Variants in TBC1D16 observed in about 807,000 individuals in gnomAD.
TBC1D16 encodes the protein TBC1 domain family member 16, also known as CTD-2529O21.1.
In TBC1D16, 58 loss-of-function variants were observed where a neutral mutation model predicts 74.7. The observed-to-expected ratio is 0.78, with a 90% confidence interval of 0.63 to 0.97. The LOEUF (loss-of-function observed/expected upper bound fraction) is 0.97, where lower values mean the gene tolerates loss of function less well. Ranked by LOEUF, TBC1D16 falls within the 50% of genes least tolerant of loss-of-function variation. The pLI, the probability that TBC1D16 is intolerant of heterozygous loss-of-function variation, is 0.00. For missense variants in TBC1D16, 1,014 were observed against 1,079.5 expected, an observed-to-expected ratio of 0.94 and a Z score of 0.85; for synonymous variants, 493 against 474.7, an observed-to-expected ratio of 1.04 and a Z score of -0.50.
chr17:79,953,267 G>A (rs2033169803), intron 3 of TBC1D16, among the ~76,000 whole-genome samples: 1 of 152,212 alleles, frequency 6.6e-6, no homozygotes, highest in South Asian at 2.1e-4. Flanking sequence ...TAGATAGCAT[G>A]GGGCTTCCGC....
In TBC1D16 at chr17:79,950,105, G is replaced by A. The variant is rs564863095; in HGVS notation, c.1258-240C>T. Among the ~76,000 whole-genome samples, 1 of 152,276 alleles carries A rather than the reference G, an allele frequency of 6.6e-6. No homozygotes were observed. Among genetic ancestry groups the A allele is most frequent in the South Asian group, 2.1e-4 (1 of 4,822 alleles). On this transcript the variant is annotated intron_variant, in intron 6 of 11. Coordinates refer to ENST00000310924, the MANE Select transcript of TBC1D16 (RefSeq NM_019020.4). The surrounding 1 kb of genome is among the most constrained non-coding windows in gnomAD (Gnocchi z 4.6). ...GCTCAGATTAACGTGTCGTTCTCAC[G>A]TCATGGCCTAATCCCTGGTTTTGGA... is the stretch of plus-strand genomic sequence containing the variant.
intron 3 of TBC1D16, among the ~76,000 whole-genome samples, chr17:79,967,927 TC>T (rs1207677343): frequency 2.0e-5 from 3 of 152,174 alleles, no homozygotes; most frequent in African/African-American, 7.2e-5. Context: ...CAGAAATAAA[TC>T]CACAAGTTTA....
intron 3 of TBC1D16, among the ~76,000 whole-genome samples, chr17:79,984,486 C>T (rs898435794): frequency 6.6e-6 from 1 of 151,332 alleles, no homozygotes; most frequent in African/African-American, 2.4e-5. Flanking sequence ...GGCTTCACAC[C>T]CTTCTTTTGT....
At chr17:80,002,993 CT>C (rs1317008939) in intron 3 of TBC1D16, among the ~76,000 whole-genome samples, 1 of 152,236 alleles carries the variant, frequency 6.6e-6, no homozygotes, top group Non-Finnish European at 1.5e-5. Flanking sequence ...AAGAAAGTCT[CT>C]TCCACCTGCA....
chr17:79,989,086 CA>C (rs2034963103), intron 3 of TBC1D16, among the ~76,000 whole-genome samples: 1 of 152,242 alleles, frequency 6.6e-6, no homozygotes, highest in African/African-American at 2.4e-5. Context: ...AACTCCCAAA[CA>C]CCTGTCAATC....
Position 79,948,927 on chromosome 17 carries a change from C to T in TBC1D16, c.1486G>A (p.Asp496Asn). 1 of 1,614,194 alleles carries T rather than the reference C, an allele frequency of 6.2e-7. No homozygotes were observed. The highest frequency in any genetic ancestry group is 2.2e-5 in the East Asian group (1 of 44,874). Residue 496 changes from aspartate (D) to asparagine (N), a missense_variant, in exon 8 of 12, where the codon GAT becomes AAT. By Grantham distance (23) the Asp-to-Asn change is conservative. Coordinates refer to ENST00000310924, the MANE Select transcript of TBC1D16 (RefSeq NM_019020.4). ...CCCCGGAAGAACTGGTTGTTCCGAT[C>T]TGTCCGGACCACGTCTTTGTCCACA... ...FTVDKDVVRT[D>N]RNNQFFRGED...
In TBC1D16 at chr17:79,950,388, A is replaced by T. The variant is rs1341351016; in HGVS notation, c.1257+23T>A. On this transcript the variant is annotated intron_variant, in intron 6 of 11. Transcript: ENST00000310924. The surrounding 1 kb of genome is among the most constrained non-coding windows in gnomAD (Gnocchi z 4.6). ...TTCCCGGCCGGCTCTCCGCGGGGCCAGCTGGGCGGACCCGGACCTCACCTT... is the reference window on the plus strand; with the variant it reads ...TTCCCGGCCGGCTCTCCGCGGGGCCTGCTGGGCGGACCCGGACCTCACCTT... 2 of 1,583,166 alleles carry T rather than the reference A, an allele frequency of 1.3e-6. No individual in the cohort carries two copies. Among genetic ancestry groups the T allele is most frequent in the Admixed American group, 3.5e-5 (2 of 57,052 alleles).
rs1309716024 is a variant in TBC1D16, at chr17:79,994,974, GTTTGT to G, written c.779+15181_779+15185del. 2.0e-5 allele frequency among the ~76,000 whole-genome samples: 3 copies of G among 152,176 alleles called. No homozygotes were observed. Among genetic ancestry groups the G allele is most frequent in the Non-Finnish European group, 4.4e-5 (3 of 68,012 alleles). On this transcript the variant is annotated intron_variant, in intron 3 of 11. Coordinates refer to ENST00000310924, the MANE Select transcript of TBC1D16 (RefSeq NM_019020.4). This position sits in a 1 kb window ranked among gnomAD's most constrained non-coding sequence, Gnocchi z 4.6. The stretch of plus-strand genomic sequence containing the variant: ...AATTTACAAAAATTTTCACCTTTTT[GTTTGT>G]TTTCTTTTTGTTTTTTGACTTGTAA...
At chr17:80,018,382 C>T (rs537266822) in intron 1 of TBC1D16, among the ~76,000 whole-genome samples, 25 of 149,118 alleles carry the variant, frequency 1.7e-4, no homozygotes, top group Non-Finnish European at 3.1e-4. Flanking sequence ...CCCAGGTTCA[C>T]GCCATTCTCC....
chr17:80,024,758 CA>C (rs2036487402), intron 1 of TBC1D16, among the ~76,000 whole-genome samples: 1 of 146,646 alleles, frequency 6.8e-6, no homozygotes, highest in Admixed American at 6.7e-5. Context: ...ACACACACTA[CA>C]TACACACCAT....
At position 80,009,339 on chromosome 17, in the gene TBC1D16, G is replaced by A. The variant is rs2035792960; in HGVS notation, c.779+821C>T. On this transcript the variant is annotated intron_variant, in intron 3 of 11. Coordinates refer to ENST00000310924, the MANE Select transcript of TBC1D16 (RefSeq NM_019020.4). The surrounding 1 kb of genome is among the most constrained non-coding windows in gnomAD (Gnocchi z 5.4). Reference sequence around the variant, plus strand: ...TGTGGAAGTCGGATGCAGGCCCCCTGTGCTGGCTCTGGGGCTCCGGGCTTA... The same window carrying A: ...TGTGGAAGTCGGATGCAGGCCCCCTATGCTGGCTCTGGGGCTCCGGGCTTA... Among the ~76,000 whole-genome samples, 1 of 152,238 alleles carries A rather than the reference G, an allele frequency of 6.6e-6. No homozygotes were observed. Among genetic ancestry groups the A allele is most frequent in the African/African-American group, 2.4e-5 (1 of 41,464 alleles).
intron 3 of TBC1D16, among the ~76,000 whole-genome samples, chr17:80,002,588 A>G (rs1241022292): frequency 1.3e-5 from 2 of 152,212 alleles, no homozygotes; most frequent in African/African-American, 4.8e-5. Flanking sequence ...TACTTTGGAC[A>G]GAGAGTTTTT....
intron 3 of TBC1D16, among the ~76,000 whole-genome samples, chr17:79,972,742 G>A (rs920956083): frequency 3.3e-5 from 5 of 152,144 alleles, no homozygotes; most frequent in Non-Finnish European, 7.3e-5. Context: ...GGTGATGGCT[G>A]CATAACAATG....
chr17:79,991,630 C>CAGGGAGGCAAG (rs1230252050), intron 3 of TBC1D16, among the ~76,000 whole-genome samples: 18 of 149,052 alleles, frequency 1.2e-4, no homozygotes, highest in African/African-American at 4.5e-4. Context: ...TGGAAGGAGG[C>CAGGGAGGCAAG]AGGGAGGCAA....
chr17:79,969,278 C>A (rs181736591), intron 3 of TBC1D16, among the ~76,000 whole-genome samples: 2 of 151,912 alleles, frequency 1.3e-5, no homozygotes, highest in Non-Finnish European at 2.9e-5. Context: ...CCCAGCTACT[C>A]GGGAGGCTGA....
rs1251152440 is a variant in TBC1D16, at chr17:79,956,535, T to C, written c.780-3717A>G. ...TCCCAAAGTGCTGGGACTACAGGCG[T>C]GAGCCACCACGCTGGGCCCGGTGGT... On this transcript the variant is annotated intron_variant, in intron 3 of 11. Transcript: ENST00000310924. The surrounding 1 kb of genome is among the most constrained non-coding windows in gnomAD (Gnocchi z 4.0). 6.6e-6 allele frequency among the ~76,000 whole-genome samples: 1 copy of C among 152,160 alleles called. No individual in the cohort carries two copies. Among genetic ancestry groups the C allele is most frequent in the Non-Finnish European group, 1.5e-5 (1 of 68,022 alleles).
chr17:80,006,183 G>A (rs917503621), intron 3 of TBC1D16, among the ~76,000 whole-genome samples: 190 of 151,924 alleles, frequency 1.3e-3, no homozygotes, highest in Non-Finnish European at 1.1e-3. Context: ...CACCAGGAGC[G>A]CTCTCGCTCT....
intron 3 of TBC1D16, among the ~76,000 whole-genome samples, chr17:79,966,081 ACTC>A (rs1278220983): frequency 6.6e-6 from 1 of 151,820 alleles, no homozygotes; most frequent in East Asian, 1.9e-4. Context: ...AGTCTAGGAG[ACTC>A]CTCCTTTGAG....
At chr17:79,966,044 G>C (rs1283693830) in intron 3 of TBC1D16, among the ~76,000 whole-genome samples, 2 of 152,192 alleles carry the variant, frequency 1.3e-5, no homozygotes, top group African/African-American at 2.4e-5. Context: ...TGAAGCCAAG[G>C]TGCCAGCAGG....
Sources: allele counts gnomAD v4.1 joint callset (sites outside exome capture counted in the v4.1 genomes callset), GRCh38; gene constraint gnomAD v4.1.1; non-coding constraint Gnocchi (gnomAD v3.1); transcripts MANE v1.5; gene names NCBI Gene and HGNC (gene_info 2026-07-23, HGNC 2026-07-21).